The following PRIMA1 variants were observed in gnomAD, a reference collection of about 807,000 sequenced individuals.
PRIMA1 encodes proline rich membrane anchor 1.
PRIMA1 carries 7 observed loss-of-function variants against 17.5 expected under a neutral mutation model. That is an observed-to-expected ratio of 0.40 (90% CI 0.23 to 0.75). PRIMA1 has a LOEUF of 0.75. PRIMA1 is among the 30% of genes least tolerant of loss of function. The probability of loss-of-function intolerance (pLI) is 0.37; values close to 1 mark genes in which losing one functional copy is unlikely to be tolerated. For synonymous variants in PRIMA1, 97 were observed against 77.9 expected (o/e 1.25, Z -1.29); for missense variants, 200 against 201.8 (o/e 0.99, Z 0.05).
chr14:93,743,247 C>A (rs2076195078), intron 3 of PRIMA1, among the ~76,000 whole-genome samples: 1 of 152,226 alleles, frequency 6.6e-6, no homozygotes, highest in African/African-American at 2.4e-5. Flanking sequence ...GAGTACCAGA[C>A]ATTGCTGGTG....
intron 3 of PRIMA1, among the ~76,000 whole-genome samples, chr14:93,756,979 G>C (rs1352928915): frequency 6.6e-6 from 1 of 152,158 alleles, no homozygotes. Context: ...TTACATTCCC[G>C]CTCAGTGTCC....
intron 4 of PRIMA1, among the ~76,000 whole-genome samples, chr14:93,722,496 A>G (rs1367207174): frequency 6.6e-6 from 1 of 151,158 alleles, no homozygotes; most frequent in Non-Finnish European, 1.5e-5. Context: ...GGTTAGGGTA[A>G]TGGTGGTGGT....
intron 4 of PRIMA1, among the ~76,000 whole-genome samples, chr14:93,733,020 T>G (rs1421690352): frequency 6.6e-6 from 1 of 151,968 alleles, no homozygotes; most frequent in African/African-American, 2.4e-5. Flanking sequence ...TGGCTGTAGA[T>G]AAAAAGGCTT....
At chr14:93,774,040 C>A (rs535752937) in intron 3 of PRIMA1, among the ~76,000 whole-genome samples, 1 of 151,702 alleles carries the variant, frequency 6.6e-6, no homozygotes, top group Non-Finnish European at 1.5e-5. Context: ...TGCAGTGAGC[C>A]GAGATCACAG....
intron 4 of PRIMA1, among the ~76,000 whole-genome samples, chr14:93,729,645 G>A (rs1383882089): frequency 6.6e-6 from 1 of 152,240 alleles, no homozygotes; most frequent in East Asian, 1.9e-4. Context: ...TGACTCTGCA[G>A]ATCAGCTGAA....
chr14:93,767,034 C>G (rs1016816890), intron 3 of PRIMA1, among the ~76,000 whole-genome samples: 1 of 152,172 alleles, frequency 6.6e-6, no homozygotes, highest in African/African-American at 2.4e-5. Flanking sequence ...GAGTGGCCTA[C>G]AAGACTTGAA....
At chr14:93,732,391 C>T (rs1337159338) in intron 4 of PRIMA1, among the ~76,000 whole-genome samples, 1 of 152,286 alleles carries the variant, frequency 6.6e-6, no homozygotes, top group Non-Finnish European at 1.5e-5. Context: ...CCCCTTGGAG[C>T]TTTATCTTGA....
At chr14:93,775,795 C>T (rs1277086103) in intron 3 of PRIMA1, among the ~76,000 whole-genome samples, 2 of 152,246 alleles carry the variant, frequency 1.3e-5, no homozygotes, top group Non-Finnish European at 1.5e-5. Flanking sequence ...GGCCTGGTAG[C>T]CATGTTCTTA....
At chr14:93,753,181 G>A (rs954917916) in intron 3 of PRIMA1, among the ~76,000 whole-genome samples, 2 of 152,318 alleles carry the variant, frequency 1.3e-5, no homozygotes, top group African/African-American at 4.8e-5. Flanking sequence ...ACCAATCCCA[G>A]CCAATTGAAG....
At chr14:93,763,143 A>G (rs930487373) in intron 3 of PRIMA1, among the ~76,000 whole-genome samples, 5 of 152,108 alleles carry the variant, frequency 3.3e-5, no homozygotes, top group East Asian at 1.9e-4. Context: ...CTCAGGATCT[A>G]TTTTGTTCCA....
At chr14:93,782,076 G>C (rs1387499826) in intron 2 of PRIMA1, among the ~76,000 whole-genome samples, 1 of 152,162 alleles carries the variant, frequency 6.6e-6, no homozygotes, top group Non-Finnish European at 1.5e-5. Flanking sequence ...GACCATCCTG[G>C]CTAACAGAGT....
At position 93,734,061 on chromosome 14, in the gene PRIMA1, C is replaced by G. The variant is rs372094860; in HGVS notation, c.359+3180G>C. On this transcript the variant is annotated intron_variant, in intron 4 of 4. Transcript: ENST00000393140. ...CCTTCACCCTCAATGAACACAGTCC[C>G]CTCTTGTCATTAAATATCTGTCTGC... is the stretch of plus-strand genomic sequence containing the variant. Among the ~76,000 whole-genome samples, 239 of 152,252 alleles carry G rather than the reference C, an allele frequency of 1.6e-3. 8 individuals carry two copies. The South Asian group carries it at 0.045, about 29-fold the overall frequency.
intron 4 of PRIMA1, among the ~76,000 whole-genome samples, chr14:93,723,233 C>G (rs1257406084): frequency 1.3e-5 from 2 of 152,146 alleles, no homozygotes; most frequent in East Asian, 3.8e-4. Flanking sequence ...CCCAGGGGTG[C>G]CAGGGTTGAG....
At chr14:93,768,093 C>T (rs1404565143) in intron 3 of PRIMA1, among the ~76,000 whole-genome samples, 1 of 151,908 alleles carries the variant, frequency 6.6e-6, no homozygotes, top group African/African-American at 2.4e-5. Context: ...ACCTCAACAA[C>T]AAAAAAATCT....
intron 3 of PRIMA1, among the ~76,000 whole-genome samples, chr14:93,758,613 GAAAA>G (rs372683058): frequency 1.5e-5 from 2 of 134,430 alleles, no homozygotes; most frequent in Non-Finnish European, 3.2e-5. Context: ...AAAAAAAAAA[GAAAA>G]AGAAAAAGAA....
chr14:93,750,272 G>C (rs1057338178), intron 3 of PRIMA1, among the ~76,000 whole-genome samples: 1 of 152,172 alleles, frequency 6.6e-6, no homozygotes, highest in Middle Eastern at 3.4e-3. Context: ...CTGCACACCT[G>C]TAGTCCCAGC....
At chr14:93,747,153 A>C (rs994671560) in intron 3 of PRIMA1, among the ~76,000 whole-genome samples, 1 of 152,184 alleles carries the variant, frequency 6.6e-6, no homozygotes, top group Non-Finnish European at 1.5e-5. Context: ...GGGGCACCTC[A>C]ACATGAGGAG....
intron 3 of PRIMA1, among the ~76,000 whole-genome samples, chr14:93,767,851 G>T (rs1261233502): frequency 6.6e-6 from 1 of 152,192 alleles, no homozygotes; most frequent in Non-Finnish European, 1.5e-5. Flanking sequence ...TTGCTCACCT[G>T]CCTCTGAACA....
chr14:93,722,656 G>A (rs955828410), intron 4 of PRIMA1, among the ~76,000 whole-genome samples: 27 of 147,630 alleles, frequency 1.8e-4, no homozygotes, highest in African/African-American at 6.8e-4. Flanking sequence ...TGGTGGCGAT[G>A]GTGATAGCGG....
Sources: allele counts gnomAD v4.1 joint callset (sites outside exome capture counted in the v4.1 genomes callset), GRCh38; gene constraint gnomAD v4.1.1; transcripts MANE v1.5; gene names NCBI Gene and HGNC (gene_info 2026-07-23, HGNC 2026-07-21).